The following PTK2 variants were observed in gnomAD, a reference collection of about 807,000 sequenced individuals.
PTK2 encodes protein tyrosine kinase 2.
Under a neutral mutation model 150.1 loss-of-function variants are expected in PTK2, and 45 were observed. The observed-to-expected ratio is 0.30, with a 90% confidence interval of 0.24 to 0.38. The LOEUF (loss-of-function observed/expected upper bound fraction) is 0.38. PTK2 is among the 10% of genes least tolerant of loss of function. The pLI is 1.00. For synonymous variants in PTK2, 432 were observed against 449.2 expected, an observed-to-expected ratio of 0.96 and a Z score of 0.48; for missense variants, 919 against 1,307.3, an observed-to-expected ratio of 0.70 and a Z score of 4.58.
chr8:140,760,296 AT>A (rs1201816391), intron 16 of PTK2, among the ~76,000 whole-genome samples: 1 of 152,188 alleles, frequency 6.6e-6, no homozygotes, highest in Non-Finnish European at 1.5e-5. Flanking sequence ...TCACAGAAAC[AT>A]TTTAATAGTC....
At chr8:140,922,499 G>T (rs2100167878) in intron 2 of PTK2, among the ~76,000 whole-genome samples, 1 of 152,044 alleles carries the variant, frequency 6.6e-6, no homozygotes, top group Admixed American at 6.6e-5. Context: ...AAGGATAAGA[G>T]CACATCCACC....
chr8:140,957,490 AT>A (rs935988249), intron 1 of PTK2, among the ~76,000 whole-genome samples: 1 of 152,206 alleles, frequency 6.6e-6, no homozygotes, highest in Non-Finnish European at 1.5e-5. Context: ...GAAGAAAAAT[AT>A]TTTTTATAAA....
At chr8:140,683,394 T>A (rs1003258151) in intron 27 of PTK2, among the ~76,000 whole-genome samples, 1 of 152,142 alleles carries the variant, frequency 6.6e-6, no homozygotes, top group Non-Finnish European at 1.5e-5. Flanking sequence ...CAGGACCAGA[T>A]GGCTTCACAG....
intron 1 of PTK2, among the ~76,000 whole-genome samples, chr8:140,975,604 G>A (rs570010234): frequency 6.6e-6 from 1 of 152,134 alleles, no homozygotes; most frequent in Non-Finnish European, 1.5e-5. Context: ...GTTGAGGAGA[G>A]GGGGGAGGGG....
At chr8:140,960,956 G>A (rs924430454) in intron 1 of PTK2, among the ~76,000 whole-genome samples, 4 of 152,118 alleles carry the variant, frequency 2.6e-5, no homozygotes, top group Non-Finnish European at 1.5e-5. Flanking sequence ...ATCCAGCCTA[G>A]GCAACAAGAG....
At chr8:140,895,568 G>A (rs2154607535) in intron 2 of PTK2, among the ~76,000 whole-genome samples, 1 of 151,876 alleles carries the variant, frequency 6.6e-6, no homozygotes, top group East Asian at 1.9e-4. Context: ...TGTATTAGAA[G>A]CGAAGGTTGA....
In PTK2 at chr8:140,730,395, G is replaced by A. The variant is rs183370500; in HGVS notation, c.2030+4856C>T. 2.8e-4 allele frequency among the ~76,000 whole-genome samples: 43 copies of A among 152,274 alleles called. 2 individuals are homozygous for A. The highest frequency in any genetic ancestry group is 9.6e-4 in the African/African-American group (40 of 41,562). ...ACATGGATTAATCCCACAAACTGTT[G>A]AGTAAAATAAATTATATATATAAAG... On this transcript the variant is annotated intron_variant, in intron 22 of 31. Transcript: ENST00000522684.
intron 3 of PTK2, among the ~76,000 whole-genome samples, chr8:140,886,621 G>A (rs988480100): frequency 2.6e-5 from 4 of 152,118 alleles, no homozygotes; most frequent in East Asian, 1.9e-4. Context: ...TTTTTTCCAC[G>A]CTGCATTATA....
intron 16 of PTK2, among the ~76,000 whole-genome samples, chr8:140,758,049 T>C (rs1356990279): frequency 6.6e-6 from 1 of 152,226 alleles, no homozygotes; most frequent in East Asian, 1.9e-4. Flanking sequence ...TTTTCTTTTT[T>C]TCTAATATAC....
Position 140,713,749 on chromosome 8 carries a change from T to A in PTK2, c.2142+3849A>T, listed in dbSNP as rs146842652. Among the ~76,000 whole-genome samples the A allele has an allele frequency of 4.3e-3, 657 of 152,314 alleles. 4 individuals are homozygous for A. The highest frequency in any genetic ancestry group is 0.015 in the African/African-American group (626 of 41,554). ...ATGCAGGGCTTGTCTCAGGGAAAGTTCTCTAAATATTATTATTATATGAAA... is the reference window on the plus strand; with the variant it reads ...ATGCAGGGCTTGTCTCAGGGAAAGTACTCTAAATATTATTATTATATGAAA... On this transcript the variant is annotated intron_variant, in intron 23 of 31. Coordinates refer to ENST00000522684, the Ensembl canonical transcript of PTK2.
rs529531505 is a variant in PTK2, at chr8:140,751,771, C to T, written c.1417+461G>A. ...CCTCCCAAAGTGCTAGGATTACAAGCGTGAGCTACCGTGCCCAGCCTGGGT... is the reference window on the plus strand; with the variant it reads ...CCTCCCAAAGTGCTAGGATTACAAGTGTGAGCTACCGTGCCCAGCCTGGGT... On this transcript the variant is annotated intron_variant, in intron 17 of 31. Coordinates refer to ENST00000522684, the Ensembl canonical transcript of PTK2. The T allele has an allele frequency of 2.2e-5, 8 of 368,828 alleles. 1 individual carries two copies. The highest frequency in any genetic ancestry group is 1.5e-4 in the South Asian group (7 of 47,900). The allele number at this position is 368,828 out of a possible 1,614,324, so 22.8% of individuals were successfully genotyped here.
intron 1 of PTK2, among the ~76,000 whole-genome samples, chr8:140,982,976 G>T (rs558792850): frequency 6.6e-6 from 1 of 152,246 alleles, no homozygotes; most frequent in African/African-American, 2.4e-5. Context: ...GCATTTAACA[G>T]AAAAGTCACA....
chr8:140,994,601 T>C (rs1199777916), intron 1 of PTK2, among the ~76,000 whole-genome samples: 1 of 152,146 alleles, frequency 6.6e-6, no homozygotes, highest in African/African-American at 2.4e-5. Context: ...CCCAAAACAA[T>C]GGATTACAGA....
chr8:140,953,179 GA>G lies in PTK2; in HGVS notation c.-121-27431del, dbSNP rs562112784. 3.6e-4 allele frequency among the ~76,000 whole-genome samples: 55 copies of G among 152,246 alleles called. 1 individual carries two copies. In the South Asian group the frequency reaches 5.6e-3, roughly 16 times the overall value. On this transcript the variant is annotated intron_variant, in intron 1 of 31. Coordinates refer to ENST00000522684, the Ensembl canonical transcript of PTK2. ...CAGCTATTCCCACTTATCTGCAGGG[GA>G]TATGCTCCTAGTCCCCCCCAGTAGA...
At chr8:140,802,692 C>A (rs1312431652) in intron 11 of PTK2, among the ~76,000 whole-genome samples, 15 of 152,128 alleles carry the variant, frequency 9.9e-5, no homozygotes, top group Non-Finnish European at 2.2e-4. Context: ...ATCTTCTATA[C>A]TGTATTTTTA....
Position 140,967,462 on chromosome 8 carries a change from T to TTTC in PTK2, c.-122+33662_-122+33663insGAA, listed in dbSNP as rs1491346445. Among the ~76,000 whole-genome samples the TTTC allele has an allele frequency of 0.013, 33 of 2,506 alleles. No homozygotes were observed. In the Admixed American group the frequency reaches 0.16, roughly 12 times the overall value. 1.6% of individuals were successfully genotyped at this position (2,506 alleles called of 152,430 possible). ...CAGTATTTCTTTCTTTCTTTCTTTC[T>TTTC]TTTTTTTTTTTTTTTTGAGACGGAG... On this transcript the variant is annotated intron_variant, in intron 1 of 31. Transcript: ENST00000522684.
At chr8:140,977,048 TTTACAAAA>T (rs1338621784) in intron 1 of PTK2, among the ~76,000 whole-genome samples, 2 of 152,190 alleles carry the variant, frequency 1.3e-5, no homozygotes, top group African/African-American at 4.8e-5. Flanking sequence ...ATCAGTAGAA[TTTACAAAA>T]TATGTCTAAA....
intron 5 of PTK2, among the ~76,000 whole-genome samples, chr8:140,855,114 G>C (rs12335175): frequency 0.021 from 3,264 of 152,146 alleles, 121 homozygotes; most frequent in African/African-American, 0.076. Context: ...GCTTCCCAAA[G>C]GGCTGAGATT....
At chr8:140,987,388 C>T (rs1051888925) in intron 1 of PTK2, among the ~76,000 whole-genome samples, 4 of 152,134 alleles carry the variant, frequency 2.6e-5, no homozygotes, top group African/African-American at 9.7e-5. Flanking sequence ...GTCATGTTGG[C>T]CAGGCTGGTC....
Sources: allele counts gnomAD v4.1 joint callset (sites outside exome capture counted in the v4.1 genomes callset), GRCh38; gene constraint gnomAD v4.1.1; transcripts MANE v1.5; gene names NCBI Gene and HGNC (gene_info 2026-07-23, HGNC 2026-07-21).